The following LRRC4C variants were observed in gnomAD, a reference collection of about 807,000 sequenced individuals.
LRRC4C encodes the protein leucine-rich repeat-containing protein 4C.
A neutral mutation model predicts 33.6 loss-of-function variants in LRRC4C; 5 were observed. The ratio of observed to expected loss-of-function variants is 0.15; its 90% CI spans 0.08 to 0.31. The LOEUF (loss-of-function observed/expected upper bound fraction) is 0.31, where lower values mean the gene tolerates loss of function less well. LRRC4C is among the 10% of genes least tolerant of loss of function. LRRC4C has a pLI of 1.00. For synonymous variants in LRRC4C, 329 were observed against 302.0 expected, an observed-to-expected ratio of 1.09 and a Z score of -0.93; for missense variants, 560 against 796.7, an observed-to-expected ratio of 0.70 and a Z score of 3.58.
At chr11:40,172,465 A>C (rs1034973761) in intron 5 of LRRC4C, among the ~76,000 whole-genome samples, 3 of 151,936 alleles carry the variant, frequency 2.0e-5, no homozygotes, top group Admixed American at 2.0e-4. Flanking sequence ...AGCATTTCCT[A>C]TTCCACTTCC....
At chr11:41,258,323 A>C (rs893185811) in intron 1 of LRRC4C, among the ~76,000 whole-genome samples, 2 of 151,996 alleles carry the variant, frequency 1.3e-5, no homozygotes, top group African/African-American at 4.8e-5. Context: ...GGAAGAAGAC[A>C]CTGGTATATG....
intron 1 of LRRC4C, among the ~76,000 whole-genome samples, chr11:40,992,991 C>G (rs1219975013): frequency 1.3e-5 from 2 of 152,080 alleles, no homozygotes; most frequent in African/African-American, 4.8e-5. Flanking sequence ...AATTTTCTGT[C>G]CTAACTGCTC....
rs192921160 is a variant in LRRC4C, at chr11:40,742,712, G to T, written c.-406-94434C>A. ...CATATTTTAATAATCTAGTACTTGG[G>T]ATCTGTCATTTTCTGTTCTACTTTA... On this transcript the variant is annotated intron_variant, in intron 2 of 6. Coordinates refer to ENST00000528697, the MANE Select transcript of LRRC4C (RefSeq NM_001258419.2). 1.0e-3 allele frequency among the ~76,000 whole-genome samples: 158 copies of T among 151,920 alleles called. 1 individual carries two copies. Among genetic ancestry groups the T allele is most frequent in the Non-Finnish European group, 1.7e-3 (116 of 67,882 alleles).
chr11:40,892,040 C>T (rs1043609078), intron 2 of LRRC4C, among the ~76,000 whole-genome samples: 2 of 147,532 alleles, frequency 1.4e-5, no homozygotes, highest in Non-Finnish European at 3.0e-5. Flanking sequence ...GAGGCTGAGG[C>T]AGGAGAATAA....
chr11:40,265,705 T>A lies in LRRC4C; in HGVS notation c.-175-24107A>T, dbSNP rs761707041. Among the ~76,000 whole-genome samples, 13 of 152,092 alleles carry A rather than the reference T, an allele frequency of 8.5e-5. No homozygotes were observed. The South Asian group carries it at 2.5e-3, about 29-fold the overall frequency. ...GTAGAGTTGTAAGCAAGGAAAAAAA[T>A]ATCAATAAAATTCAGCTCAGGCAGA... is the stretch of plus-strand genomic sequence containing the variant. On this transcript the variant is annotated intron_variant, in intron 4 of 6. Coordinates refer to ENST00000528697, the MANE Select transcript of LRRC4C (RefSeq NM_001258419.2).
chr11:41,443,089 A>ATTTTTTTTTTTTTTTTTTTTTGTTTATT, intron 1 of LRRC4C, among the ~76,000 whole-genome samples: 1 of 105,994 alleles, frequency 9.4e-6, no homozygotes, highest in Admixed American at 1.2e-4. Flanking sequence ...TGTTTGCTTC[A>ATTTTTTTTTTTTTTTTTTTTTGTTTATT]TTTTTTTTTT....
chr11:41,235,479 T>C (rs991931389), intron 1 of LRRC4C, among the ~76,000 whole-genome samples: 4 of 152,128 alleles, frequency 2.6e-5, no homozygotes, highest in Non-Finnish European at 5.9e-5. Flanking sequence ...TTGTAGATGA[T>C]GACTTAGTAG....
At chr11:40,663,004 G>C (rs142075952) in intron 2 of LRRC4C, among the ~76,000 whole-genome samples, 1 of 152,170 alleles carries the variant, frequency 6.6e-6, no homozygotes, top group Non-Finnish European at 1.5e-5. Flanking sequence ...ATATCTCCTA[G>C]AAATAGAAAA....
chr11:40,525,204 T>G (rs1330271013), intron 3 of LRRC4C, among the ~76,000 whole-genome samples: 1 of 152,090 alleles, frequency 6.6e-6, no homozygotes, highest in Non-Finnish European at 1.5e-5. Flanking sequence ...CCCAGCACTT[T>G]GGGAGGTCGA....
intron 3 of LRRC4C, among the ~76,000 whole-genome samples, chr11:40,362,350 T>A (rs1349998533): frequency 6.6e-6 from 1 of 151,978 alleles, no homozygotes; most frequent in Non-Finnish European, 1.5e-5. Context: ...AGAAAAAAAT[T>A]TGCAAATTAT....
intron 1 of LRRC4C, among the ~76,000 whole-genome samples, chr11:41,353,335 G>A (rs999806006): frequency 3.3e-5 from 5 of 152,028 alleles, no homozygotes; most frequent in Non-Finnish European, 7.4e-5. Flanking sequence ...ATTAATATCT[G>A]AACAGACCAA....
chr11:40,864,841 A>G (rs1954273676), intron 2 of LRRC4C, among the ~76,000 whole-genome samples: 1 of 152,186 alleles, frequency 6.6e-6, no homozygotes, highest in African/African-American at 2.4e-5. Flanking sequence ...TATTCTCTAC[A>G]CTCAGCATGT....
intron 3 of LRRC4C, among the ~76,000 whole-genome samples, chr11:40,594,303 C>G (rs1444060829): frequency 1.3e-5 from 2 of 152,206 alleles, no homozygotes; most frequent in African/African-American, 2.4e-5. Context: ...ATATAATCCT[C>G]ATTACTTCCC....
At chr11:41,190,118 C>T (rs1590885344) in intron 1 of LRRC4C, among the ~76,000 whole-genome samples, 1 of 152,208 alleles carries the variant, frequency 6.6e-6, no homozygotes, top group Middle Eastern at 3.4e-3. Flanking sequence ...CTGTGTGATA[C>T]AATATAAAGC....
chr11:40,474,524 C>T (rs1412784159), intron 3 of LRRC4C, among the ~76,000 whole-genome samples: 1 of 152,140 alleles, frequency 6.6e-6, no homozygotes, highest in South Asian at 2.1e-4. Flanking sequence ...TAGGCATGGG[C>T]AATGACTTCA....
intron 1 of LRRC4C, among the ~76,000 whole-genome samples, chr11:41,328,600 G>T (rs564138235): frequency 2.0e-5 from 3 of 152,124 alleles, no homozygotes; most frequent in Non-Finnish European, 4.4e-5. Context: ...CTCTTCGTAG[G>T]CATGACCCAC....
chr11:40,984,419 A>AAG lies in LRRC4C; in HGVS notation c.-495-50698_-495-50697dup, dbSNP rs1440174439. On this transcript the variant is annotated intron_variant, in intron 1 of 6. Coordinates refer to ENST00000528697, the MANE Select transcript of LRRC4C (RefSeq NM_001258419.2). ...AGAAAGAAAGAAAGAAAGAAAGAGA[A>AAG]AGAAAGAAAGAGAAAAAGAAAGAAA... is the stretch of plus-strand genomic sequence containing the variant. 5.1e-5 allele frequency among the ~76,000 whole-genome samples: 6 copies of AAG among 116,538 alleles called. No individual in the cohort carries two copies. In the East Asian group the frequency reaches 7.2e-4, roughly 14 times the overall value. The allele number at this position is 116,538 out of a possible 152,430, so 76.5% of individuals were successfully genotyped here. A position where few individuals can be genotyped will look rare whatever the true frequency, so the allele number is the denominator to read the frequency against.
At chr11:40,133,748 A>T (rs1034464056) in intron 6 of LRRC4C, among the ~76,000 whole-genome samples, 3 of 152,184 alleles carry the variant, frequency 2.0e-5, no homozygotes, top group African/African-American at 7.2e-5. Context: ...AGAGAGAACC[A>T]GTGAGGCTTG....
At chr11:40,696,288 A>G (rs1250062952) in intron 2 of LRRC4C, among the ~76,000 whole-genome samples, 1 of 125,604 alleles carries the variant, frequency 8.0e-6, no homozygotes, top group African/African-American at 3.4e-5. Context: ...CCACATATAT[A>G]TATATATATA....
Sources: allele counts gnomAD v4.1 joint callset (sites outside exome capture counted in the v4.1 genomes callset), GRCh38; gene constraint gnomAD v4.1.1; transcripts MANE v1.5; gene names NCBI Gene and HGNC (gene_info 2026-07-23, HGNC 2026-07-21).